FLNA: variants seen among roughly 807,000 people sequenced by gnomAD.
The protein encoded by FLNA is filamin A.
Under a neutral mutation model 157.6 loss-of-function variants are expected in FLNA, and 7 were observed. The ratio of observed to expected loss-of-function variants is 0.04; its 90% CI spans 0.03 to 0.08. FLNA has a LOEUF of 0.08. Among genes scored for constraint, FLNA ranks in the 10% least tolerant of loss-of-function variants. The pLI, the probability that FLNA is intolerant of heterozygous loss-of-function variation, is 1.00. For synonymous variants in FLNA, 1,103 were observed against 1,060.8 expected, an observed-to-expected ratio of 1.04 and a Z score of -0.77; for missense variants, 1,750 against 2,398.4, an observed-to-expected ratio of 0.73 and a Z score of 5.65.
chrX:154,361,222 G>A (rs1411536819), intron 21 of FLNA, 86 bp downstream of exon 21: 1 of 943,875 alleles, frequency 1.1e-6, no homozygotes, highest in Non-Finnish European at 1.5e-6. Context: ...AAGGATTTAG[G>A]GCAGGTCTGG....
Position 154,357,620 on chromosome X carries a change from G to A in FLNA, c.4759C>T (p.Pro1587Ser), listed in dbSNP as rs782258746. The change falls in exon 29 of 48, where the codon CCC becomes TCC. Residue 1587 changes from proline (P) to serine (S), a missense_variant. Coordinates refer to ENST00000369850, the MANE Select transcript of FLNA (RefSeq NM_001110556.2). ...TGTGTCTTCTTCGGCTTGCCTTCGG[G>A]ATCCTGTGTGGCAGAGGCAGGGGAG... The part of the protein sequence containing the change: ...EGLLAVQITD[P>S]EGKPKKTHIQ... 1.7e-5 allele frequency: 20 copies of A among 1,209,885 alleles called. No individual in the cohort carries two copies. In the South Asian group the frequency reaches 3.2e-4, roughly 19 times the overall value.
chrX:154,362,051 A>G lies in FLNA; in HGVS notation c.2754T>C (p.Asp918=). Residue 918 remains aspartate, a synonymous_variant, in exon 19 of 48, where the codon GAT becomes GAC. Transcript: ENST00000369850. ...CGATGATGTCCACATCTCGCACTGC[A>G]TCCCCCTTGGTGAGTCCTGAGAACT... ...DVQFSGLTKG[D]AVRDVDIIDH... 1 of 1,210,783 alleles carries G rather than the reference A, an allele frequency of 8.3e-7. No individual in the cohort carries two copies. Among genetic ancestry groups the G allele is most frequent in the Non-Finnish European group, 1.1e-6 (1 of 894,880 alleles).
At chrX:154,356,468 T>G (rs2067663727) in intron 30 of FLNA, among the ~76,000 whole-genome samples, 2 of 111,947 alleles carry the variant, frequency 1.8e-5, no homozygotes, top group African/African-American at 6.5e-5. Context: ...TCCTACGGCC[T>G]GCTCTATAAA....
Position 154,364,507 on chromosome X carries a change from A to G in FLNA, c.2022+19T>C. On this transcript the variant is annotated intron_variant, in intron 13 of 47. Coordinates refer to ENST00000369850, the MANE Select transcript of FLNA (RefSeq NM_001110556.2). ...GGAGCAGCAGGGCGAGACTTAGGCC[A>G]TCACAGCCTGCTCTTTACCCTGTCT... 1.7e-6 allele frequency: 2 copies of G among 1,207,508 alleles called. 1 individual carries two copies. Among genetic ancestry groups the G allele is most frequent in the East Asian group, 5.9e-5 (2 of 33,805 alleles).
intron 2 of FLNA, among the ~76,000 whole-genome samples, chrX:154,369,338 A>G (rs959432439): frequency 9.0e-6 from 1 of 111,673 alleles, no homozygotes; most frequent in Non-Finnish European, 1.9e-5. Context: ...TCAGGCCCCC[A>G]CCCCAGTCCA....
chrX:154,361,222 G>T, intron 21 of FLNA, 86 bp downstream of exon 21: 2 of 943,871 alleles, frequency 2.1e-6, no homozygotes, highest in Non-Finnish European at 3.0e-6. Context: ...AAGGATTTAG[G>T]GCAGGTCTGG....
At chrX:154,350,810 C>T in intron 44 of FLNA, 99 bp downstream of exon 44, 1 of 1,036,873 alleles carries the variant, frequency 9.6e-7, no homozygotes, top group Non-Finnish European at 1.4e-6. Context: ...GGAGTTGGGG[C>T]CCCGTCTTGG....
Position 154,362,556 on chromosome X carries a change from C to T in FLNA, c.2427G>A (p.Lys809=). The part of the protein sequence containing the change: ...AGQGDVSIGI[K]CAPGVVGPAE... ...CGGGGCCTACCACTCCAGGGGCACA[C>T]TTGATGCCGATGCTGACGTCCCCTG... Residue 809 remains lysine, a synonymous_variant, in exon 17 of 48, where the codon AAG becomes AAA. Coordinates refer to ENST00000369850, the MANE Select transcript of FLNA (RefSeq NM_001110556.2). The T allele has an allele frequency of 8.3e-7, 1 of 1,211,463 alleles. No individual in the cohort carries two copies.
At position 154,348,855 on chromosome X, in the gene FLNA, C is replaced by A. The variant is rs2067594949; in HGVS notation, c.7938G>T (p.Val2646=). The A allele has an allele frequency of 8.3e-7, 1 of 1,203,710 alleles. No individual in the cohort carries two copies. The highest frequency in any genetic ancestry group is 1.1e-6 in the Non-Finnish European group (1 of 890,073). Residue 2646 remains valine, a synonymous_variant, in exon 48 of 48, where the codon GTG becomes GTT. Transcript: ENST00000369850. ...GCTGGCACGGGCCCCAGACTCAGGG[C>A]ACCACAACGCGGTAGGGGCTGCCTG... ...HIPGSPYRVV[V]P
At chrX:154,361,195 GAAA>G (rs34190826) in intron 21 of FLNA, 110 bp downstream of exon 21, 1,568 of 573,306 alleles carry the variant, frequency 2.7e-3, no homozygotes, top group Non-Finnish European at 3.1e-3. Context: ...TCTGTCTCAG[GAAA>G]AAAAAAAAAA....
rs2067736756 is a variant in FLNA at position 154,364,172 on chromosome X, G to A, written c.2137-7C>T. Reference sequence around the variant, plus strand: ...CAGGGCAGCCTTCATTGTCCTGTCAGGCAGATAGGAGCAGGTGGCCTGCTG... The same window carrying A: ...CAGGGCAGCCTTCATTGTCCTGTCAAGCAGATAGGAGCAGGTGGCCTGCTG... On this transcript the variant is annotated splice_region_variant and splice_polypyrimidine_tract_variant and intron_variant, in intron 14 of 47. Coordinates refer to ENST00000369850, the MANE Select transcript of FLNA (RefSeq NM_001110556.2). 1.7e-6 allele frequency: 2 copies of A among 1,209,631 alleles called. No individual in the cohort carries two copies. The highest frequency in any genetic ancestry group is 2.2e-6 in the Non-Finnish European group (2 of 895,098).
rs782069230 is a variant in FLNA at position 154,353,010 on chromosome X, G to C, written c.6217C>G (p.Arg2073Gly). ...FEPAEFIIDT[R>G]DAGYGGLSLS... is the part of the protein sequence containing the mutation. Reference sequence around the variant, plus strand: ...GGCAGCCACTGCCTACCTGCATCGCGGGTATCAATGATAAACTCTGCAGGC... The same window carrying C: ...GGCAGCCACTGCCTACCTGCATCGCCGGTATCAATGATAAACTCTGCAGGC... The change falls in exon 38 of 48, where the codon CGC becomes GGC. Residue 2073 changes from arginine to glycine, a missense_variant. Coordinates refer to ENST00000369850, the MANE Select transcript of FLNA (RefSeq NM_001110556.2). 8.3e-7 allele frequency: 1 copy of C among 1,210,581 alleles called. No homozygotes were observed. Among genetic ancestry groups the C allele is most frequent in the Non-Finnish European group, 1.1e-6 (1 of 894,665 alleles).
intron 43 of FLNA, 90 bp from the exon 44 acceptor site, chrX:154,351,131 C>T (rs782051616): frequency 1.9e-5 from 20 of 1,031,855 alleles, no homozygotes; most frequent in African/African-American, 5.7e-5. Context: ...GCCCGCGGGT[C>T]GCACTTACCC....
At position 154,353,587 on chromosome X, in the gene FLNA, C is replaced by T. The variant is rs373682131; in HGVS notation, c.5827G>A (p.Val1943Ile). Residue 1943 changes from valine to isoleucine, a missense_variant, in exon 36 of 48, where the codon GTC becomes ATC. Coordinates refer to ENST00000369850, the MANE Select transcript of FLNA (RefSeq NM_001110556.2). ...CGAGCAGTGAAGGGGCTGCCTGGGA[C>T]GTGCTGTTCATTGTACTTGACTAGA... Reference protein sequence around the residue: ...SILVKYNEQHVPGSPFTARVT... With the variant: ...SILVKYNEQHIPGSPFTARVT... 7 of 1,210,515 alleles carry T rather than the reference C, an allele frequency of 5.8e-6. No individual in the cohort carries two copies. The highest frequency in any genetic ancestry group is 5.2e-5 in the African/African-American group (3 of 57,500).
intron 2 of FLNA, among the ~76,000 whole-genome samples, chrX:154,370,495 G>T (rs888673292): frequency 7.1e-5 from 8 of 112,724 alleles, no homozygotes; most frequent in African/African-American, 2.6e-4. Context: ...AAACAGCTGT[G>T]GGGGGAGAGC....
rs377507152 is a variant in FLNA, at chrX:154,367,512, G to A, written c.753C>T (p.Asn251=). 1.2e-4 allele frequency: 145 copies of A among 1,209,960 alleles called. No individual in the cohort carries two copies. The African/African-American group carries it at 1.9e-3, about 16-fold the overall frequency. Residue 251 remains asparagine (N), a synonymous_variant, in exon 5 of 48, where the codon AAC becomes AAT. Transcript: ENST00000369850. ...AGGTCATGACAGAGTGCTCGTCCAC[G>A]TTGGGGTCCACAATCTCCTCGGGGG... is the stretch of plus-strand genomic sequence containing the variant. ...VITPEEIVDP[N]VDEHSVMTYL... is the part of the protein sequence containing the mutation.
rs200198847 is a variant in FLNA, at chrX:154,350,097, G to A, written c.7267C>T (p.Pro2423Ser). The change falls in exon 45 of 48, where the codon CCT becomes TCT. Residue 2423 changes from proline to serine, a missense_variant. Transcript: ENST00000369850. ...AAGCCTGGGTCCCCTCCATGCCCAG[G>A]CTCCCCAACTCGGATCTTGAAGGGG... is the stretch of plus-strand genomic sequence containing the variant. ...GSPFKIRVGE[P>S]GHGGDPGLVS... is the part of the protein sequence containing the mutation. 6.2e-4 allele frequency: 745 copies of A among 1,210,258 alleles called. No individual in the cohort carries two copies. Among genetic ancestry groups the A allele is most frequent in the Non-Finnish European group, 7.6e-4 (677 of 894,942 alleles).
chrX:154,359,441 T>C (rs782585107), intron 24 of FLNA, 35 bp from the exon 25 acceptor site: 5 of 1,211,536 alleles, frequency 4.1e-6, no homozygotes, highest in Non-Finnish European at 5.6e-6. Flanking sequence ...TTCCTGGGGT[T>C]CCCAGGCCCA....
chrX:154,366,701 C>T (rs782216869), intron 6 of FLNA, 31 bp downstream of exon 6: 106 of 1,197,396 alleles, frequency 8.9e-5, no homozygotes, highest in South Asian at 2.5e-4. Flanking sequence ...GGGAGCGCTG[C>T]GGGGCCTCTG....
Sources: allele counts gnomAD v4.1 joint callset (sites outside exome capture counted in the v4.1 genomes callset), GRCh38; gene constraint gnomAD v4.1.1; transcripts MANE v1.5; gene names NCBI Gene and HGNC (gene_info 2026-07-23, HGNC 2026-07-21).